Variants in MAPK8 observed in about 807,000 individuals in gnomAD.
The protein encoded by MAPK8 is mitogen-activated protein kinase 8.
A neutral mutation model predicts 52.9 loss-of-function variants in MAPK8; 13 were observed. The observed-to-expected ratio is 0.25, with a 90% CI of 0.16 to 0.39. The LOEUF is 0.39. Among genes scored for constraint, MAPK8 ranks in the 10% least tolerant of loss-of-function variants. The probability of loss-of-function intolerance (pLI) is 1.00; values close to 1 mark genes in which losing one functional copy is unlikely to be tolerated. For missense variants in MAPK8, 300 were observed against 519.2 expected (o/e 0.58, Z 4.10); for synonymous variants, 191 against 169.8 (o/e 1.12, Z -0.97).
chr10:48,428,904 T>A (rs1296301519), intron 10 of MAPK8, among the ~76,000 whole-genome samples: 4 of 151,880 alleles, frequency 2.6e-5, no homozygotes, highest in African/African-American at 9.7e-5. Flanking sequence ...CACTGCAGCA[T>A]CAAAACTCCT....
At chr10:48,403,070 A>C (rs1296669075) in intron 2 of MAPK8, among the ~76,000 whole-genome samples, 1 of 152,224 alleles carries the variant, frequency 6.6e-6, no homozygotes, top group East Asian at 1.9e-4. Flanking sequence ...AAAAGATTAA[A>C]ACATGCATAA....
At chr10:48,323,677 T>C (rs1453062978) in intron 1 of MAPK8, among the ~76,000 whole-genome samples, 2 of 152,224 alleles carry the variant, frequency 1.3e-5, no homozygotes, top group Non-Finnish European at 2.9e-5. Flanking sequence ...TACAAAGTTT[T>C]CCATACATCT....
chr10:48,433,911 A>G (rs1262016462), intron 11 of MAPK8, among the ~76,000 whole-genome samples: 6 of 152,180 alleles, frequency 3.9e-5, no homozygotes, highest in African/African-American at 2.4e-5. Context: ...TATTTCATAA[A>G]TGTATTCTTG....
Position 48,431,206 on chromosome 10 carries a change from G to C in MAPK8, c.1074G>C (p.Lys358Asn). 1 of 1,607,280 alleles carries C rather than the reference G, an allele frequency of 6.2e-7. No homozygotes were observed. Reference protein sequence around the residue: ...TIEEWKELIYKEVMDLEERTK... With the variant: ...TIEEWKELIYNEVMDLEERTK... ...CTTCTTTTACAGAATTGATATATAA[G>C]GAAGTTATGGACTTGGAGGAGAGAA... Residue 358 changes from lysine (K) to asparagine (N), a missense_variant, in exon 11 of 12, where the codon AAG becomes AAC. By Grantham distance (94) the Lys-to-Asn change is moderately conservative. This residue lies in a region of MAPK8 where 119 missense variants were observed against 154.4 expected (regional missense o/e 0.77). Coordinates refer to ENST00000374189, the MANE Select transcript of MAPK8 (RefSeq NM_001323329.2).
Position 48,409,951 on chromosome 10 carries a change from T to C in MAPK8, c.311+14T>C, listed in dbSNP as rs375750330. On this transcript the variant is annotated intron_variant, in intron 4 of 11. Transcript: ENST00000374189. Reference sequence around the variant, plus strand: ...ATTTCAAGATGTGTAAGTGTAATAATTAAAATTTTGTTAAGTTAGTACATT... The same window carrying C: ...ATTTCAAGATGTGTAAGTGTAATAACTAAAATTTTGTTAAGTTAGTACATT... The C allele has an allele frequency of 6.2e-7, 1 of 1,609,858 alleles. No individual in the cohort carries two copies. Among genetic ancestry groups the C allele is most frequent in the Non-Finnish European group, 8.5e-7 (1 of 1,177,688 alleles).
intron 1 of MAPK8, among the ~76,000 whole-genome samples, chr10:48,360,158 C>A (rs941857365): frequency 1.3e-5 from 2 of 151,798 alleles, no homozygotes; most frequent in Non-Finnish European, 2.9e-5. Context: ...CAAAGTGAGA[C>A]TCTGTCTAAA....
chr10:48,428,109 C>T (rs1198995872), intron 10 of MAPK8, among the ~76,000 whole-genome samples: 2 of 152,200 alleles, frequency 1.3e-5, no homozygotes, highest in Non-Finnish European at 2.9e-5. Flanking sequence ...AGGAGTCTCT[C>T]TTTGCCCTCA....
intron 5 of MAPK8, among the ~76,000 whole-genome samples, chr10:48,415,657 A>G: frequency 6.6e-6 from 1 of 152,144 alleles, no homozygotes; most frequent in Non-Finnish European, 1.5e-5. Flanking sequence ...ACTCTATTTA[A>G]TGAGATAAAG....
intron 1 of MAPK8, among the ~76,000 whole-genome samples, chr10:48,337,715 G>A (rs532733350): frequency 1.2e-4 from 19 of 152,134 alleles, no homozygotes; most frequent in African/African-American, 4.1e-4. Context: ...CCAGCTAGAT[G>A]AACCAAGAAA....
chr10:48,434,806 G>C (rs1458652785), intron 11 of MAPK8, 78 bp from the exon 12 acceptor site: 4 of 1,278,290 alleles, frequency 3.1e-6, no homozygotes, highest in South Asian at 1.9e-5. Flanking sequence ...ATTACCACTG[G>C]AGGCAGTCAG....
chr10:48,396,337 A>G (rs1050473517), intron 1 of MAPK8, among the ~76,000 whole-genome samples: 1 of 152,226 alleles, frequency 6.6e-6, no homozygotes, highest in African/African-American at 2.4e-5. Flanking sequence ...AAAGAAGCAC[A>G]TGAAAAGATG....
chr10:48,405,103 AG>A, intron 3 of MAPK8, 122 bp downstream of exon 3: 1 of 278,586 alleles, frequency 3.6e-6, no homozygotes, highest in Non-Finnish European at 6.4e-6. Flanking sequence ...ATTGTTTAAA[AG>A]GGATATATAT....
intron 1 of MAPK8, among the ~76,000 whole-genome samples, chr10:48,378,944 C>T (rs1312722005): frequency 2.0e-5 from 3 of 151,964 alleles, no homozygotes; most frequent in South Asian, 2.1e-4. Context: ...TCTTTTCTAC[C>T]GAAGAGAAAT....
At chr10:48,401,814 A>G in intron 2 of MAPK8, 32 bp downstream of exon 2, 1 of 1,382,224 alleles carries the variant, frequency 7.2e-7, no homozygotes, top group Non-Finnish European at 9.4e-7. Context: ...TTAGGCAAAG[A>G]ATCATTAACT....
intron 1 of MAPK8, among the ~76,000 whole-genome samples, chr10:48,394,535 T>C (rs1362523346): frequency 6.6e-6 from 1 of 151,888 alleles, no homozygotes; most frequent in Non-Finnish European, 1.5e-5. Flanking sequence ...TTAACAGAAT[T>C]AGTACCATTA....
At chr10:48,372,686 A>AT (rs2040398771) in intron 1 of MAPK8, among the ~76,000 whole-genome samples, 1 of 151,976 alleles carries the variant, frequency 6.6e-6, no homozygotes, top group Non-Finnish European at 1.5e-5. Context: ...AAAAAAAAAA[A>AT]GAGTGAAAAG....
chr10:48,346,332 A>C (rs1845769602), intron 1 of MAPK8, among the ~76,000 whole-genome samples: 1 of 152,250 alleles, frequency 6.6e-6, no homozygotes, highest in East Asian at 1.9e-4. Context: ...AGGAAAAACC[A>C]GGCCATACAG....
intron 1 of MAPK8, among the ~76,000 whole-genome samples, chr10:48,329,459 GAGACAACGTTATCTTGA>G (rs1399561470): frequency 6.6e-6 from 1 of 151,958 alleles, no homozygotes; most frequent in Non-Finnish European, 1.5e-5. Flanking sequence ...CTCTGGCCAT[GAGACAACGTTATCTTGA>G]ATAGTGATAA....
At chr10:48,377,765 G>A (rs956438813) in intron 1 of MAPK8, among the ~76,000 whole-genome samples, 1 of 152,054 alleles carries the variant, frequency 6.6e-6, no homozygotes, top group Non-Finnish European at 1.5e-5. Flanking sequence ...ACTATTATAT[G>A]AGAAATAAAT....
Sources: allele counts gnomAD v4.1 joint callset (sites outside exome capture counted in the v4.1 genomes callset), GRCh38; gene constraint gnomAD v4.1.1; regional missense constraint gnomAD v4.1.1; transcripts MANE v1.5; gene names NCBI Gene and HGNC (gene_info 2026-07-23, HGNC 2026-07-21).